The following CHD9NB variants were observed in gnomAD, a reference collection of about 807,000 sequenced individuals.
CHD9NB encodes CHD9 neighbor.
At chr16:53,040,235 A>G in the CHD9NB span, among the ~76,000 whole-genome samples, 1,718 of 151,802 alleles carry the variant, frequency 0.011, 12 homozygotes, top group Middle Eastern at 0.031. Flanking sequence ...ACACCCAGGT[A>G]ATTTTTTTTT....
chr16:53,040,930 T>A, the CHD9NB span, among the ~76,000 whole-genome samples: 1 of 151,784 alleles, frequency 6.6e-6, no homozygotes, highest in African/African-American at 2.4e-5. Flanking sequence ...GGATAATGGA[T>A]GAAAGGATGG....
At chr16:53,045,547 A>G in the CHD9NB span, among the ~76,000 whole-genome samples, 3 of 152,090 alleles carry the variant, frequency 2.0e-5, no homozygotes, top group African/African-American at 7.2e-5. Context: ...GATAATCCTG[A>G]CCCAGCTCCT....
chr16:53,043,771 G>C, the CHD9NB span: 1 of 361,428 alleles, frequency 2.8e-6, no homozygotes, highest in Non-Finnish European at 4.9e-6. Flanking sequence ...GACTTCTTTT[G>C]TCCTCTCTGT....
chr16:53,045,947 C>G, the CHD9NB span, among the ~76,000 whole-genome samples: 1 of 152,128 alleles, frequency 6.6e-6, no homozygotes. Context: ...CATTCCTCCT[C>G]CCTGGGTGTG....
the CHD9NB span, chr16:53,042,598 C>T: frequency 6.6e-6 from 1 of 151,724 alleles, no homozygotes; most frequent in Non-Finnish European, 1.5e-5. Context: ...TCCCCGTCCC[C>T]CACCACCAGA....
chr16:53,043,909 G>A, the CHD9NB span: 157 of 398,020 alleles, frequency 3.9e-4, no homozygotes, highest in African/African-American at 3.0e-3. Context: ...CCCAGTGATC[G>A]GAGCTTCTCA....
At chr16:53,042,325 C>G in the CHD9NB span, among the ~76,000 whole-genome samples, 42 of 148,668 alleles carry the variant, frequency 2.8e-4, no homozygotes, top group African/African-American at 1.0e-3. Context: ...CTCTCCTTCT[C>G]TCCCTCTCCC....
the CHD9NB span, chr16:53,044,307 G>A: frequency 3.0e-5 from 12 of 396,446 alleles, no homozygotes; most frequent in Non-Finnish European, 4.9e-5. Flanking sequence ...ACAAGGAGAC[G>A]CCCCGCTGTG....
At chr16:53,043,268 C>T in the CHD9NB span, 2 of 152,254 alleles carry the variant, frequency 1.3e-5, no homozygotes, top group South Asian at 4.2e-4. Context: ...AATGGACAGA[C>T]TTTGGCTAGG....
At chr16:53,036,123 C>A in the CHD9NB span, among the ~76,000 whole-genome samples, 9 of 152,148 alleles carry the variant, frequency 5.9e-5, no homozygotes, top group African/African-American at 2.2e-4. Flanking sequence ...CTATTCAATG[C>A]GCTGCTGTGG....
chr16:53,046,448 G>A, the CHD9NB span, among the ~76,000 whole-genome samples: 5 of 151,918 alleles, frequency 3.3e-5, 1 homozygote, highest in Admixed American at 6.6e-5. Context: ...AGGCCGAGGC[G>A]GGTGGATCAC....
At chr16:53,035,994 G>A in the CHD9NB span, 1 of 151,738 alleles carries the variant, frequency 6.6e-6, no homozygotes. Context: ...CCAGTCATTG[G>A]ATTTAGGGCT....
the CHD9NB span, among the ~76,000 whole-genome samples, chr16:53,039,650 C>T: frequency 6.6e-6 from 1 of 151,760 alleles, no homozygotes; most frequent in Admixed American, 6.6e-5. Context: ...GAGGCTGAGG[C>T]AGAAGAATCG....
At chr16:53,036,701 C>T in the CHD9NB span, among the ~76,000 whole-genome samples, 5 of 152,340 alleles carry the variant, frequency 3.3e-5, no homozygotes, top group African/African-American at 1.2e-4. Context: ...ATAAAATTAA[C>T]CACACAGTGC....
chr16:53,049,873 A>C, the CHD9NB span, among the ~76,000 whole-genome samples: 1 of 152,060 alleles, frequency 6.6e-6, no homozygotes, highest in Non-Finnish European at 1.5e-5. Context: ...AACATTTTTG[A>C]CTCAGTTTCC....
At chr16:53,048,563 C>T in the CHD9NB span, among the ~76,000 whole-genome samples, 1 of 152,248 alleles carries the variant, frequency 6.6e-6, no homozygotes, top group African/African-American at 2.4e-5. Context: ...TCTCCTGCTT[C>T]TCACTCACTT....
At chr16:53,042,333 C>T in the CHD9NB span, among the ~76,000 whole-genome samples, 2 of 149,006 alleles carry the variant, frequency 1.3e-5, no homozygotes, top group East Asian at 2.0e-4. Flanking sequence ...CTCTCCCTCT[C>T]CCATTCTGCC....
At chr16:53,051,055 T>C in the CHD9NB span, among the ~76,000 whole-genome samples, 3 of 152,028 alleles carry the variant, frequency 2.0e-5, no homozygotes, top group Non-Finnish European at 4.4e-5. Context: ...GCCCAGCTAA[T>C]TTTTTGTATT....
chr16:53,045,251 C>A, the CHD9NB span, among the ~76,000 whole-genome samples: 1 of 152,152 alleles, frequency 6.6e-6, no homozygotes, highest in Non-Finnish European at 1.5e-5. Flanking sequence ...TATAAGCCAT[C>A]CTGTCTCTTT....
Sources: gnomAD v4.1 joint callset for allele counts (sites outside exome capture counted in the v4.1 genomes callset) on GRCh38, gnomAD v4.1.1 for gene constraint, MANE v1.5 for transcripts, NCBI Gene and HGNC (gene_info 2026-07-23, HGNC 2026-07-21) for gene names.